SLC39A14: variants seen among roughly 807,000 people sequenced by gnomAD.
SLC39A14 encodes solute carrier family 39 member 14, also known as metal cation symporter ZIP14.
SLC39A14 carries 19 observed loss-of-function variants against 45.5 expected under a neutral mutation model. The ratio of observed to expected loss-of-function variants is 0.42; its 90% CI spans 0.29 to 0.61. The LOEUF (loss-of-function observed/expected upper bound fraction) is 0.61. Ranked by LOEUF, SLC39A14 falls within the 20% of genes least tolerant of loss-of-function variation. SLC39A14 has a pLI of 0.22. For synonymous variants in SLC39A14, 264 were observed against 251.3 expected (o/e 1.05, Z -0.48); for missense variants, 447 against 616.5 (o/e 0.73, Z 2.91).
intron 1 of SLC39A14, among the ~76,000 whole-genome samples, chr8:22,401,330 G>A (rs564019976): frequency 5.9e-5 from 9 of 152,314 alleles, no homozygotes; most frequent in African/African-American, 2.2e-4. Context: ...CGAGCCCTGG[G>A]TGCCTGGGTA....
rs767145606 is a variant in SLC39A14, at chr8:22,417,670, C to A, written c.1167C>A (p.Leu389=). The stretch of plus-strand genomic sequence containing the variant: ...CTGTAGGAGACTTTGTCATCCTGCT[C>A]AACGCTGGGATGAGCATCCAACAAG... ...PHELGDFVIL[L]NAGMSIQQAL... Residue 389 remains leucine (L), a synonymous_variant, in exon 8 of 9, where the codon CTC becomes CTA. Coordinates refer to ENST00000381237, the MANE Select transcript of SLC39A14 (RefSeq NM_001128431.4). 1 of 1,613,838 alleles carries A rather than the reference C, an allele frequency of 6.2e-7. No homozygotes were observed. Among genetic ancestry groups the A allele is most frequent in the South Asian group, 1.1e-5 (1 of 91,036 alleles).
At chr8:22,385,164 G>A (rs551141934) in intron 1 of SLC39A14, among the ~76,000 whole-genome samples, 11 of 152,270 alleles carry the variant, frequency 7.2e-5, no homozygotes, top group African/African-American at 2.2e-4. Context: ...CTTCAGTTCC[G>A]TTGAAACAAC....
At chr8:22,379,004 A>G (rs1833356914) in intron 1 of SLC39A14, among the ~76,000 whole-genome samples, 1 of 152,210 alleles carries the variant, frequency 6.6e-6, no homozygotes, top group Non-Finnish European at 1.5e-5. Context: ...AGGTGTCACC[A>G]GGACCATACT....
intron 2 of SLC39A14, 78 bp downstream of exon 2, chr8:22,405,058 A>G: frequency 7.0e-7 from 1 of 1,432,230 alleles, no homozygotes; most frequent in South Asian, 1.3e-5. Flanking sequence ...AGTTGGGCCC[A>G]GGGCAGCCTG....
intron 3 of SLC39A14, chr8:22,410,261 A>G: frequency 1.2e-6 from 1 of 808,318 alleles, no homozygotes; most frequent in Non-Finnish European, 2.0e-6. Context: ...GCCACAAACG[A>G]CTTCTAACTC....
chr8:22,408,743 C>T (rs1319201386), intron 3 of SLC39A14, among the ~76,000 whole-genome samples: 1 of 151,994 alleles, frequency 6.6e-6, no homozygotes, highest in South Asian at 2.1e-4. Flanking sequence ...ACTTCTTGAG[C>T]GGCCTATGGA....
chr8:22,432,942 C>T (rs149479569), intron 8 of SLC39A14, among the ~76,000 whole-genome samples: 2 of 150,824 alleles, frequency 1.3e-5, no homozygotes, highest in African/African-American at 2.4e-5. Context: ...CATTAACCAT[C>T]GTGCTCGGCC....
At chr8:22,392,531 A>G (rs571840970) in intron 1 of SLC39A14, among the ~76,000 whole-genome samples, 21 of 152,320 alleles carry the variant, frequency 1.4e-4, no homozygotes, top group African/African-American at 4.6e-4. Flanking sequence ...CCTAAGCCAC[A>G]TGCCCGGCCT....
chr8:22,379,690 G>C (rs1833395885), intron 1 of SLC39A14, among the ~76,000 whole-genome samples: 1 of 152,130 alleles, frequency 6.6e-6, no homozygotes, highest in African/African-American at 2.4e-5. Flanking sequence ...CAGCACTTTG[G>C]GAGGCCGAGG....
chr8:22,406,333 C>T (rs1272938721), intron 2 of SLC39A14, among the ~76,000 whole-genome samples: 1 of 151,228 alleles, frequency 6.6e-6, no homozygotes, highest in Non-Finnish European at 1.5e-5. Context: ...CCTCTAATCC[C>T]AGCTACTCCG....
intron 1 of SLC39A14, among the ~76,000 whole-genome samples, chr8:22,401,488 T>G (rs1475238905): frequency 1.3e-5 from 2 of 152,072 alleles, no homozygotes; most frequent in Non-Finnish European, 2.9e-5. Context: ...AATCTTACTT[T>G]AAGCTTTCAT....
intron 8 of SLC39A14, among the ~76,000 whole-genome samples, chr8:22,429,276 A>G (rs1444539208): frequency 6.6e-6 from 1 of 152,166 alleles, no homozygotes; most frequent in Non-Finnish European, 1.5e-5. Context: ...CGTCTCAAAA[A>G]CAAACAAACA....
rs532060333 is a variant in SLC39A14 at position 22,401,212 on chromosome 8, G to T, written c.-15-3484G>T. Among the ~76,000 whole-genome samples the T allele has an allele frequency of 3.0e-4, 46 of 152,332 alleles. 1 individual carries two copies. The South Asian group carries it at 8.3e-3, about 27-fold the overall frequency. On this transcript the variant is annotated intron_variant, in intron 1 of 8. Coordinates refer to ENST00000381237, the MANE Select transcript of SLC39A14 (RefSeq NM_001128431.4). ...ATAATTCATCCAAGATCACATTGCT[G>T]GTAAGTGGCAGAGCCAGGATTCAGG...
intron 3 of SLC39A14, chr8:22,409,807 C>T (rs1586729973): frequency 1.2e-6 from 1 of 808,350 alleles, no homozygotes; most frequent in East Asian, 2.4e-5. Flanking sequence ...GAGAGATGGA[C>T]TCAGCAAATG....
intron 8 of SLC39A14, among the ~76,000 whole-genome samples, chr8:22,431,511 T>A (rs1836466859): frequency 6.6e-6 from 1 of 152,200 alleles, no homozygotes; most frequent in Non-Finnish European, 1.5e-5. Flanking sequence ...CCTGTGCTTT[T>A]GTTAAATTAA....
intron 1 of SLC39A14, chr8:22,393,194 G>A: frequency 1.0e-6 from 1 of 985,706 alleles, no homozygotes; most frequent in Non-Finnish European, 1.2e-6. Flanking sequence ...CGAAGGTCCT[G>A]GGAGCAGGAG....
At chr8:22,371,438 T>A (rs28653703) in intron 1 of SLC39A14, among the ~76,000 whole-genome samples, 87,571 of 140,662 alleles carry the variant, frequency 0.62, 29,683 homozygotes, top group East Asian at 0.82. Flanking sequence ...TTTTTTTTTT[T>A]TTTTTTTTTT....
chr8:22,399,895 G>A (rs1408838521), intron 1 of SLC39A14, among the ~76,000 whole-genome samples: 1 of 152,234 alleles, frequency 6.6e-6, no homozygotes, highest in African/African-American at 2.4e-5. Flanking sequence ...AAGTTACAGC[G>A]GTTAAGTTTG....
At chr8:22,397,541 G>A (rs1392406026) in intron 1 of SLC39A14, among the ~76,000 whole-genome samples, 1 of 151,934 alleles carries the variant, frequency 6.6e-6, no homozygotes, top group Non-Finnish European at 1.5e-5. Flanking sequence ...TAGCGCCGCT[G>A]CACTCCGGCC....
Sources: gnomAD v4.1 joint callset for allele counts (sites outside exome capture counted in the v4.1 genomes callset) on GRCh38, gnomAD v4.1.1 for gene constraint, MANE v1.5 for transcripts, NCBI Gene and HGNC (gene_info 2026-07-23, HGNC 2026-07-21) for gene names.